The following CNTN6 variants were observed in gnomAD, a reference collection of about 807,000 sequenced individuals.
CNTN6 encodes contactin 6.
CNTN6 carries 137 observed loss-of-function variants against 122.8 expected under a neutral mutation model. That is an observed-to-expected ratio of 1.12 (90% CI 0.97 to 1.29). The LOEUF (loss-of-function observed/expected upper bound fraction) is 1.29. CNTN6 is among the 50% of genes most tolerant of loss of function. CNTN6 has a pLI of 0.00. For synonymous variants in CNTN6, 570 were observed against 426.0 expected (o/e 1.34, Z -4.16); for missense variants, 1,634 against 1,223.4 (o/e 1.34, Z -5.01).
chr3:1,372,568 G>A, intron 13 of CNTN6, 94 bp downstream of exon 13: 1 of 1,065,926 alleles, frequency 9.4e-7, no homozygotes, highest in Non-Finnish European at 1.3e-6. Flanking sequence ...ATCTTTATTT[G>A]CATGGATAAT....
intron 2 of CNTN6, among the ~76,000 whole-genome samples, chr3:1,217,329 A>T (rs2094143060): frequency 6.6e-6 from 1 of 152,214 alleles, no homozygotes; most frequent in South Asian, 2.1e-4. Context: ...ACATCACTCA[A>T]GTACAATTAT....
intron 1 of CNTN6, among the ~76,000 whole-genome samples, chr3:1,108,101 A>T (rs942229182): frequency 1.3e-5 from 2 of 152,092 alleles, no homozygotes; most frequent in African/African-American, 4.8e-5. Flanking sequence ...TAATAAAAAA[A>T]TTTAATCCAT....
chr3:1,296,118 G>A lies in CNTN6; in HGVS notation c.658+314G>A, dbSNP rs1439227688. Among the ~76,000 whole-genome samples, 9 of 152,232 alleles carry A rather than the reference G, an allele frequency of 5.9e-5. No individual in the cohort carries two copies. The South Asian group carries it at 1.5e-3, about 25-fold the overall frequency. On this transcript the variant is annotated intron_variant, in intron 6 of 22. Coordinates refer to ENST00000446702, the MANE Select transcript of CNTN6 (RefSeq NM_001289080.2). ...AGTTGGCGTGTGTGTATGTGTGCACGTGTGGGTGCTGCCAAACATATAACT... is the reference window on the plus strand; with the variant it reads ...AGTTGGCGTGTGTGTATGTGTGCACATGTGGGTGCTGCCAAACATATAACT...
At chr3:1,106,620 T>TATAGCTTAGA (rs2091237162) in intron 1 of CNTN6, among the ~76,000 whole-genome samples, 1 of 152,082 alleles carries the variant, frequency 6.6e-6, no homozygotes, top group African/African-American at 2.4e-5. Context: ...ATATTTTACT[T>TATAGCTTAGA]ATAGCTTAGA....
intron 4 of CNTN6, among the ~76,000 whole-genome samples, chr3:1,269,365 C>T (rs1369415237): frequency 1.3e-5 from 2 of 152,180 alleles, no homozygotes; most frequent in African/African-American, 4.8e-5. Context: ...ATTTTGCATG[C>T]TACCTACATC....
At chr3:1,399,867 T>C (rs1156802256) in intron 20 of CNTN6, among the ~76,000 whole-genome samples, 1 of 152,082 alleles carries the variant, frequency 6.6e-6, no homozygotes, top group Non-Finnish European at 1.5e-5. Flanking sequence ...TGTAAACCAA[T>C]GTGATAAACC....
chr3:1,109,093 T>A (rs1274661454), intron 1 of CNTN6, among the ~76,000 whole-genome samples: 3 of 152,034 alleles, frequency 2.0e-5, no homozygotes, highest in African/African-American at 7.2e-5. Context: ...ATAAAAAGAA[T>A]AACAGACATA....
chr3:1,113,220 A>G (rs2091563778), intron 1 of CNTN6, among the ~76,000 whole-genome samples: 1 of 152,218 alleles, frequency 6.6e-6, no homozygotes, highest in Admixed American at 6.5e-5. Context: ...CTTTTAGAAT[A>G]ATTAACACAA....
intron 7 of CNTN6, among the ~76,000 whole-genome samples, chr3:1,305,327 C>T (rs1698182774): frequency 6.6e-6 from 1 of 152,168 alleles, no homozygotes; most frequent in South Asian, 2.1e-4. Flanking sequence ...GACAAAGCTT[C>T]AAGTAATTGT....
chr3:1,208,665 T>A (rs2093991388), intron 2 of CNTN6, among the ~76,000 whole-genome samples: 1 of 152,114 alleles, frequency 6.6e-6, no homozygotes, highest in African/African-American at 2.4e-5. Context: ...GACTCAAAAT[T>A]GAGCCTCACC....
intron 2 of CNTN6, among the ~76,000 whole-genome samples, chr3:1,157,868 C>T (rs2093011637): frequency 6.6e-6 from 1 of 152,172 alleles, no homozygotes; most frequent in African/African-American, 2.4e-5. Context: ...TTTGCATACG[C>T]ACCACATTTT....
intron 2 of CNTN6, among the ~76,000 whole-genome samples, chr3:1,217,945 G>A (rs1427487968): frequency 1.3e-5 from 2 of 152,166 alleles, no homozygotes; most frequent in African/African-American, 4.8e-5. Context: ...TGAGTACTAA[G>A]CTCTTCCTCA....
At chr3:1,339,802 G>A (rs563644780) in intron 11 of CNTN6, among the ~76,000 whole-genome samples, 17 of 152,160 alleles carry the variant, frequency 1.1e-4, no homozygotes, top group South Asian at 8.3e-4. Context: ...ATTTTGCAAG[G>A]CATCCAAGAA....
At chr3:1,097,149 C>G (rs749247211) in intron 1 of CNTN6, among the ~76,000 whole-genome samples, 2 of 152,166 alleles carry the variant, frequency 1.3e-5, no homozygotes, top group Non-Finnish European at 2.9e-5. Context: ...AGGCGTAACA[C>G]AGGACATAGT....
At chr3:1,384,765 A>G (rs1692557340) in intron 19 of CNTN6, among the ~76,000 whole-genome samples, 1 of 128,886 alleles carries the variant, frequency 7.8e-6, no homozygotes, top group Admixed American at 8.2e-5. Context: ...ATATACATAT[A>G]TATACACATA....
intron 20 of CNTN6, among the ~76,000 whole-genome samples, chr3:1,390,410 A>G (rs1254593933): frequency 6.6e-6 from 1 of 151,540 alleles, no homozygotes; most frequent in East Asian, 1.9e-4. Flanking sequence ...CATTCAAAGC[A>G]GTGTGTAGAG....
intron 12 of CNTN6, among the ~76,000 whole-genome samples, chr3:1,358,200 T>G (rs544717381): frequency 6.6e-6 from 1 of 152,108 alleles, no homozygotes; most frequent in African/African-American, 2.4e-5. Context: ...CCGATACGTT[T>G]ATTCTGCAGG....
intron 7 of CNTN6, among the ~76,000 whole-genome samples, chr3:1,314,736 G>A (rs555146161): frequency 6.6e-5 from 10 of 151,670 alleles, no homozygotes; most frequent in East Asian, 1.9e-4. Flanking sequence ...ATGGCAATGC[G>A]TATTCCAGAA....
chr3:1,379,663 C>T (rs1710376442), intron 17 of CNTN6, among the ~76,000 whole-genome samples: 1 of 152,042 alleles, frequency 6.6e-6, no homozygotes, highest in South Asian at 2.1e-4. Context: ...TAAATTAAAG[C>T]CACTTCCTCT....
Sources: allele counts gnomAD v4.1 joint callset (sites outside exome capture counted in the v4.1 genomes callset), GRCh38; gene constraint gnomAD v4.1.1; transcripts MANE v1.5; gene names NCBI Gene and HGNC (gene_info 2026-07-23, HGNC 2026-07-21).